Variants in PDE4B observed in about 807,000 individuals in gnomAD.
The protein encoded by PDE4B is phosphodiesterase 4B.
PDE4B carries 20 observed loss-of-function variants against 82.2 expected under a neutral mutation model. The ratio of observed to expected loss-of-function variants is 0.24; its 90% CI spans 0.17 to 0.35. The LOEUF is 0.35. Ranked by LOEUF, PDE4B falls within the 10% of genes least tolerant of loss-of-function variation. PDE4B has a pLI of 1.00. For missense variants in PDE4B, 655 were observed against 907.2 expected, an observed-to-expected ratio of 0.72 and a Z score of 3.57; for synonymous variants, 320 against 318.9, an observed-to-expected ratio of 1.00 and a Z score of -0.04.
At chr1:66,138,536 T>A (rs1479447953) in intron 3 of PDE4B, among the ~76,000 whole-genome samples, 4 of 152,054 alleles carry the variant, frequency 2.6e-5, no homozygotes, top group African/African-American at 7.2e-5. Context: ...ATCTACAGAT[T>A]CAAAAGAAAA....
intron 3 of PDE4B, among the ~76,000 whole-genome samples, chr1:65,932,530 T>C (rs1647895502): frequency 6.6e-6 from 1 of 152,088 alleles, no homozygotes; most frequent in South Asian, 2.1e-4. Flanking sequence ...CTGTTTTGTC[T>C]AATATACCAA....
chr1:66,324,208 C>A (rs960361854), intron 7 of PDE4B, among the ~76,000 whole-genome samples: 4 of 152,074 alleles, frequency 2.6e-5, no homozygotes, highest in Non-Finnish European at 5.9e-5. Context: ...GAAACTTAGA[C>A]CATTTATTTA....
At chr1:66,337,778 C>A (rs972471716) in intron 8 of PDE4B, among the ~76,000 whole-genome samples, 3 of 152,186 alleles carry the variant, frequency 2.0e-5, no homozygotes, top group African/African-American at 7.2e-5. Flanking sequence ...GAATTAAAAT[C>A]AGTTCTGGTA....
At chr1:65,795,375 C>T (rs1019764608) in intron 1 of PDE4B, among the ~76,000 whole-genome samples, 6 of 152,236 alleles carry the variant, frequency 3.9e-5, no homozygotes, top group African/African-American at 1.4e-4. Flanking sequence ...CAAAAACCTT[C>T]AAACAGCATA....
At chr1:65,829,702 C>T (rs1473507914) in intron 1 of PDE4B, among the ~76,000 whole-genome samples, 2 of 152,068 alleles carry the variant, frequency 1.3e-5, no homozygotes, top group Admixed American at 6.6e-5. Context: ...TAAATAAACT[C>T]AGGGTTTAAC....
chr1:66,322,655 A>G (rs1659485411), intron 7 of PDE4B, among the ~76,000 whole-genome samples: 1 of 152,014 alleles, frequency 6.6e-6, no homozygotes, highest in South Asian at 2.1e-4. Context: ...AAAATCAGGA[A>G]ACAACACATG....
At chr1:66,193,449 C>G (rs1204103766) in intron 3 of PDE4B, among the ~76,000 whole-genome samples, 1 of 152,084 alleles carries the variant, frequency 6.6e-6, no homozygotes, top group Non-Finnish European at 1.5e-5. Flanking sequence ...GTGTGCTTCA[C>G]TTACTTCGGA....
At chr1:66,104,498 C>T (rs1443715011) in intron 3 of PDE4B, among the ~76,000 whole-genome samples, 1 of 142,618 alleles carries the variant, frequency 7.0e-6, no homozygotes. Flanking sequence ...GTTCTAGATC[C>T]CTGAGGAATC....
intron 1 of PDE4B, among the ~76,000 whole-genome samples, chr1:65,912,878 A>G (rs1418562609): frequency 2.6e-5 from 4 of 152,322 alleles, no homozygotes; most frequent in African/African-American, 9.6e-5. Context: ...GATGAAAATA[A>G]TCTAACAAAC....
At chr1:65,807,148 A>G (rs932131600) in intron 1 of PDE4B, among the ~76,000 whole-genome samples, 26 of 152,204 alleles carry the variant, frequency 1.7e-4, no homozygotes, top group African/African-American at 6.3e-4. Context: ...GAGATGATCA[A>G]ATCATAAAGA....
intron 1 of PDE4B, among the ~76,000 whole-genome samples, chr1:65,912,250 A>G (rs1165429820): frequency 6.6e-6 from 1 of 152,090 alleles, no homozygotes; most frequent in African/African-American, 2.4e-5. Context: ...TAAAAATTTT[A>G]TTTTAGACTT....
At chr1:66,301,074 G>A (rs548038077) in intron 7 of PDE4B, among the ~76,000 whole-genome samples, 1 of 152,232 alleles carries the variant, frequency 6.6e-6, no homozygotes, top group African/African-American at 2.4e-5. Context: ...GGCTCTCTGA[G>A]ACACTTAGAA....
At chr1:65,857,412 CTCT>C (rs1429534478) in intron 1 of PDE4B, among the ~76,000 whole-genome samples, 2 of 152,196 alleles carry the variant, frequency 1.3e-5, no homozygotes, top group Non-Finnish European at 2.9e-5. Flanking sequence ...CTTAGCATTA[CTCT>C]TCTCTTTACT....
At chr1:65,890,644 A>T (rs905688634) in intron 1 of PDE4B, among the ~76,000 whole-genome samples, 10 of 152,036 alleles carry the variant, frequency 6.6e-5, no homozygotes, top group African/African-American at 2.4e-4. Flanking sequence ...GGAGGGAGAG[A>T]GTCCCACGAG....
At chr1:66,101,751 G>A (rs1248157148) in intron 3 of PDE4B, among the ~76,000 whole-genome samples, 4 of 152,076 alleles carry the variant, frequency 2.6e-5, no homozygotes, top group Non-Finnish European at 5.9e-5. Context: ...CAGATGAGTA[G>A]ATTGCAAAAA....
intron 3 of PDE4B, among the ~76,000 whole-genome samples, chr1:66,125,451 C>A (rs955463275): frequency 1.3e-5 from 2 of 152,084 alleles, no homozygotes; most frequent in African/African-American, 4.8e-5. Flanking sequence ...CGTGAGCCAC[C>A]ACGCCCTGCC....
chr1:66,097,790 G>A (rs1313786611), intron 3 of PDE4B, among the ~76,000 whole-genome samples: 1 of 148,202 alleles, frequency 6.7e-6, no homozygotes, highest in Non-Finnish European at 1.5e-5. Flanking sequence ...TTTCTCTATT[G>A]TTTATTGTCC....
intron 1 of PDE4B, among the ~76,000 whole-genome samples, chr1:65,817,340 G>C (rs1481621366): frequency 1.3e-5 from 2 of 152,128 alleles, no homozygotes; most frequent in East Asian, 3.8e-4. Context: ...CAGGGTAATG[G>C]AAGAGCTTTA....
Position 66,354,589 on chromosome 1 carries a change from G to A in PDE4B, c.748-938G>A, listed in dbSNP as rs996023397. On this transcript the variant is annotated intron_variant, in intron 8 of 16. Coordinates refer to ENST00000341517, the MANE Select transcript of PDE4B (RefSeq NM_002600.4). The stretch of plus-strand genomic sequence containing the variant: ...CATTTGGACAGGCTCTTGCTCCTTC[G>A]TGCAATTCCTGATTTCATTACTCTC... 21 of 1,307,112 alleles carry A rather than the reference G, an allele frequency of 1.6e-5. No homozygotes were observed. In the East Asian group the frequency reaches 4.1e-4, roughly 26 times the overall value. The allele number at this position is 1,307,112 out of a possible 1,614,324, so 81.0% of individuals were successfully genotyped here. A position where few individuals can be genotyped will look rare whatever the true frequency, so the allele number is the denominator to read the frequency against.
Sources: allele counts gnomAD v4.1 joint callset (sites outside exome capture counted in the v4.1 genomes callset), GRCh38; gene constraint gnomAD v4.1.1; transcripts MANE v1.5; gene names NCBI Gene and HGNC (gene_info 2026-07-23, HGNC 2026-07-21).